DNAH5: variants seen among roughly 807,000 people sequenced by gnomAD.
The protein encoded by DNAH5 is dynein axonemal heavy chain 5.
In DNAH5, 372 loss-of-function variants were observed where a neutral mutation model predicts 518.2. The observed-to-expected ratio is 0.72, with a 90% CI of 0.66 to 0.78. DNAH5 has a LOEUF of 0.78. Ranked by LOEUF, DNAH5 falls within the 30% of genes least tolerant of loss-of-function variation. The probability of loss-of-function intolerance (pLI) is 0.00; values close to 1 mark genes in which losing one functional copy is unlikely to be tolerated. For synonymous variants in DNAH5, 2,039 were observed against 2,025.9 expected (o/e 1.01, Z -0.17); for missense variants, 5,523 against 5,687.0 (o/e 0.97, Z 0.93).
chr5:13,968,952 A>AT (rs200310255), intron 1 of DNAH5, among the ~76,000 whole-genome samples: 3,471 of 152,002 alleles, frequency 0.023, 50 homozygotes, highest in South Asian at 0.058. Flanking sequence ...TGGTCCTGGA[A>AT]TTTTTTTGTT....
intron 1 of DNAH5, among the ~76,000 whole-genome samples, chr5:14,010,754 A>C (rs1008379486): frequency 5.3e-5 from 8 of 152,234 alleles, no homozygotes; most frequent in African/African-American, 1.9e-4. Flanking sequence ...AAATATCTAC[A>C]GAGAGGAGGA....
At chr5:13,951,511 T>C (rs568912590) in intron 1 of DNAH5, among the ~76,000 whole-genome samples, 2 of 152,174 alleles carry the variant, frequency 1.3e-5, no homozygotes, top group African/African-American at 4.8e-5. Context: ...TGAGCCACCA[T>C]GCCTGGCCCA....
intron 12 of DNAH5, among the ~76,000 whole-genome samples, chr5:13,903,740 C>T (rs1425795542): frequency 6.6e-6 from 1 of 151,980 alleles, no homozygotes; most frequent in Non-Finnish European, 1.5e-5. Context: ...AACACCCAAA[C>T]TAAAATCACA....
At chr5:13,755,650 CA>C (rs995494108) in intron 61 of DNAH5, among the ~76,000 whole-genome samples, 2 of 151,972 alleles carry the variant, frequency 1.3e-5, no homozygotes, top group African/African-American at 2.4e-5. Flanking sequence ...GGAGTTAAGG[CA>C]AAAAAACTAA....
intron 1 of DNAH5, among the ~76,000 whole-genome samples, chr5:13,979,044 C>T (rs544065528): frequency 1.3e-5 from 2 of 152,214 alleles, no homozygotes; most frequent in East Asian, 3.9e-4. Flanking sequence ...AGAACCCCAC[C>T]CCATTTACAC....
intron 1 of DNAH5, among the ~76,000 whole-genome samples, chr5:13,950,974 A>C (rs1240743680): frequency 1.3e-5 from 2 of 151,932 alleles, no homozygotes; most frequent in African/African-American, 2.4e-5. Flanking sequence ...AAGTCCATAC[A>C]AATATACAAC....
At chr5:13,987,373 T>C (rs916733376) in intron 1 of DNAH5, among the ~76,000 whole-genome samples, 2 of 152,164 alleles carry the variant, frequency 1.3e-5, no homozygotes, top group African/African-American at 4.8e-5. Flanking sequence ...GAAAATGTAA[T>C]ATATACTAAA....
intron 78 of DNAH5, 84 bp downstream of exon 78, chr5:13,700,556 A>G (rs1741957885): frequency 7.5e-7 from 1 of 1,335,564 alleles, no homozygotes; most frequent in Non-Finnish European, 1.1e-6. Context: ...CTACTACATG[A>G]TAACAAAAAT....
chr5:13,941,534 T>C (rs75915669), intron 1 of DNAH5, among the ~76,000 whole-genome samples: 3,055 of 152,272 alleles, frequency 0.02, 101 homozygotes, highest in African/African-American at 0.07. Context: ...GTTTGGTTAA[T>C]TTGCCAGAGA....
At chr5:13,995,048 C>T (rs2662627) in intron 1 of DNAH5, among the ~76,000 whole-genome samples, 6,714 of 152,214 alleles carry the variant, frequency 0.044, 322 homozygotes, top group African/African-American at 0.12. Context: ...TGAGACTACA[C>T]ACCACATTGA....
intron 52 of DNAH5, among the ~76,000 whole-genome samples, chr5:13,782,855 T>C (rs1755392355): frequency 6.6e-6 from 1 of 152,154 alleles, no homozygotes; most frequent in Non-Finnish European, 1.5e-5. Flanking sequence ...GACCCTCAAA[T>C]AGGGCTATTT....
chr5:13,944,199 T>C (rs1189067051), intron 1 of DNAH5, among the ~76,000 whole-genome samples, 183 bp downstream of exon 1: 1 of 152,162 alleles, frequency 6.6e-6, no homozygotes, highest in Non-Finnish European at 1.5e-5. Flanking sequence ...AGATGCAAAA[T>C]TTTTTTTATT....
chr5:13,702,170 T>C (rs745623053), intron 76 of DNAH5, among the ~76,000 whole-genome samples: 13 of 140,744 alleles, frequency 9.2e-5, no homozygotes, highest in Non-Finnish European at 1.6e-4. Flanking sequence ...GCAGCAGCAG[T>C]GTAAGGTATC....
intron 16 of DNAH5, among the ~76,000 whole-genome samples, chr5:13,891,397 T>C (rs1580767974): frequency 6.6e-6 from 1 of 152,246 alleles, no homozygotes; most frequent in East Asian, 1.9e-4. Context: ...AAAGTTTTTA[T>C]ACATTTTATA....
At chr5:13,819,477 G>C (rs1761941484) in intron 41 of DNAH5, among the ~76,000 whole-genome samples, 1 of 152,102 alleles carries the variant, frequency 6.6e-6, no homozygotes. Flanking sequence ...TACCAGTGTT[G>C]CATCAGTAGC....
At chr5:13,768,659 A>T (rs749105595) in intron 58 of DNAH5, among the ~76,000 whole-genome samples, 6 of 152,202 alleles carry the variant, frequency 3.9e-5, no homozygotes, top group Non-Finnish European at 8.8e-5. Context: ...AGTTGATGTA[A>T]CTTTTCCAAC....
chr5:13,922,599 C>T (rs372400577), intron 4 of DNAH5, among the ~76,000 whole-genome samples: 386 of 151,872 alleles, frequency 2.5e-3, no homozygotes, highest in African/African-American at 8.7e-3. Flanking sequence ...TGGTGGCAGG[C>T]ACCTGTAATC....
intron 38 of DNAH5, among the ~76,000 whole-genome samples, chr5:13,825,586 A>G (rs795539): frequency 0.85 from 129,568 of 152,150 alleles, 55,668 homozygotes; most frequent in African/African-American, 0.95. Flanking sequence ...AGGACATTAC[A>G]CTAAGTAAAA....
chr5:13,799,945 A>G (rs1367713074), intron 47 of DNAH5, among the ~76,000 whole-genome samples: 1 of 152,194 alleles, frequency 6.6e-6, no homozygotes, highest in Non-Finnish European at 1.5e-5. Flanking sequence ...AATATTTAAA[A>G]TTAAATATTT....
Sources: gnomAD v4.1 joint callset for allele counts (sites outside exome capture counted in the v4.1 genomes callset) on GRCh38, gnomAD v4.1.1 for gene constraint, MANE v1.5 for transcripts, NCBI Gene and HGNC (gene_info 2026-07-23, HGNC 2026-07-21) for gene names.